PKD1L1: variants seen among roughly 807,000 people sequenced by gnomAD.
PKD1L1 encodes polycystin 1 like 1, transient receptor potential channel interacting.
A neutral mutation model predicts 323.4 loss-of-function variants in PKD1L1; 236 were observed. The ratio of observed to expected loss-of-function variants is 0.73; its 90% CI spans 0.66 to 0.81. The LOEUF is 0.81. PKD1L1 is among the 40% of genes least tolerant of loss of function. The pLI, the probability that PKD1L1 is intolerant of heterozygous loss-of-function variation, is 0.00. For synonymous variants in PKD1L1, 1,344 were observed against 1,335.0 expected (o/e 1.01, Z -0.15); for missense variants, 3,320 against 3,508.0 (o/e 0.95, Z 1.35).
chr7:47,930,007 G>A lies in PKD1L1; in HGVS notation c.738-481C>T, dbSNP rs114044788. ...AGCTCCTTGTGCTGCAAATTGGTTG[G>A]GGAGTTGGAAATAGTCTAGGATACT... On this transcript the variant is annotated intron_variant, in intron 6 of 56. Transcript: ENST00000289672. 9.6e-3 allele frequency among the ~76,000 whole-genome samples: 1,463 copies of A among 152,292 alleles called. 19 individuals are homozygous for A. The highest frequency in any genetic ancestry group is 0.034 in the African/African-American group (1,404 of 41,554).
chr7:47,931,505 TCA>T (rs1302825170), intron 5 of PKD1L1, among the ~76,000 whole-genome samples, 184 bp from the exon 6 acceptor site: 1 of 152,232 alleles, frequency 6.6e-6, no homozygotes, highest in Non-Finnish European at 1.5e-5. Flanking sequence ...GTGGTAGGAT[TCA>T]CACTTTCCAG....
At chr7:47,837,745 G>C (rs890276879) in intron 36 of PKD1L1, among the ~76,000 whole-genome samples, 2 of 152,088 alleles carry the variant, frequency 1.3e-5, no homozygotes, top group African/African-American at 4.8e-5. Context: ...CGTTGTTTAG[G>C]AATTGCACTA....
chr7:47,873,431 G>A (rs1404876313), intron 24 of PKD1L1, among the ~76,000 whole-genome samples: 3 of 152,006 alleles, frequency 2.0e-5, no homozygotes, highest in Admixed American at 6.6e-5. Context: ...GGTGGATCAC[G>A]AAGTCAGGAG....
intron 16 of PKD1L1, among the ~76,000 whole-genome samples, chr7:47,889,149 A>G (rs1284183613): frequency 6.6e-6 from 1 of 152,134 alleles, no homozygotes; most frequent in East Asian, 1.9e-4. Context: ...ATGGGGGTGC[A>G]GACGGACATG....
chr7:47,821,196 G>T lies in PKD1L1; in HGVS notation c.6855-10C>A. The T allele has an allele frequency of 6.4e-7, 1 of 1,564,738 alleles. No homozygotes were observed. The highest frequency in any genetic ancestry group is 8.8e-7 in the Non-Finnish European group (1 of 1,136,026). On this transcript the variant is annotated splice_polypyrimidine_tract_variant and intron_variant, in intron 45 of 56. Transcript: ENST00000289672. ...GTCCATGGAAATGTCTCTGTAAGAAGAGTTTTTAAGTTAGCATCCATACAG... is the reference window on the plus strand; with the variant it reads ...GTCCATGGAAATGTCTCTGTAAGAATAGTTTTTAAGTTAGCATCCATACAG...
Position 47,877,471 on chromosome 7 carries a change from A to G in PKD1L1, c.3663+18T>C, listed in dbSNP as rs1786433470. On this transcript the variant is annotated intron_variant, in intron 22 of 56. Transcript: ENST00000289672. ...CTGTCGGGGGTCTCTCAGGACAGAC[A>G]TGGGGTTGTCCACGTACCGGTTTTC... 2 of 1,612,950 alleles carry G rather than the reference A, an allele frequency of 1.2e-6. No homozygotes were observed. Among genetic ancestry groups the G allele is most frequent in the African/African-American group, 1.3e-5 (1 of 74,872 alleles).
Position 47,885,930 on chromosome 7 carries a change from T to C in PKD1L1, c.2961A>G (p.Pro987=). ...GTADPDATTT[P]FSREPSPVTL... ...TCACGGGTGAAGGTTCCCGTGAGAA[T>C]GGTGTGGTCGTTGCATCAGGATCTG... The change falls in exon 18 of 57, where the codon CCA becomes CCG. Residue 987 remains proline, a synonymous_variant. Transcript: ENST00000289672. 1 of 1,614,058 alleles carries C rather than the reference T, an allele frequency of 6.2e-7. No individual in the cohort carries two copies. The highest frequency in any genetic ancestry group is 8.5e-7 in the Non-Finnish European group (1 of 1,180,006).
chr7:47,939,478 G>C (rs979271707), intron 3 of PKD1L1, among the ~76,000 whole-genome samples: 1 of 152,152 alleles, frequency 6.6e-6, no homozygotes, highest in African/African-American at 2.4e-5. Flanking sequence ...TGAAAAGCAT[G>C]TCTCACTCAG....
rs961993264 is a variant in PKD1L1 at position 47,853,303 on chromosome 7, G to T, written c.4860-76C>A. On this transcript the variant is annotated intron_variant, in intron 30 of 56. Coordinates refer to ENST00000289672, the MANE Select transcript of PKD1L1 (RefSeq NM_138295.5). ...AAGGTTTTAGTCAAATTTCTATCAA[G>T]AGTTTACTCAATTTGTGCAAAACAT... 2.8e-6 allele frequency: 3 copies of T among 1,082,040 alleles called. No individual in the cohort carries two copies. In the African/African-American group the frequency reaches 4.7e-5, roughly 17 times the overall value. The allele number at this position is 1,082,040 out of a possible 1,614,324, so 67.0% of individuals were successfully genotyped here. A position where few individuals can be genotyped will look rare whatever the true frequency, so the allele number is the denominator to read the frequency against.
chr7:47,890,803 G>C (rs761192201), intron 15 of PKD1L1, 40 bp from the exon 16 acceptor site: 2 of 1,577,840 alleles, frequency 1.3e-6, no homozygotes, highest in Non-Finnish European at 1.7e-6. Context: ...GGGAGCATCA[G>C]GCAGAGTCAG....
At chr7:47,811,154 C>CTTTTT (rs11412484) in intron 50 of PKD1L1, among the ~76,000 whole-genome samples, 2 of 121,232 alleles carry the variant, frequency 1.6e-5, no homozygotes, top group Non-Finnish European at 1.7e-5. Context: ...ATGTCTCCTT[C>CTTTTT]TTTTTTTTTT....
chr7:47,829,978 C>G, intron 43 of PKD1L1, 62 bp downstream of exon 43: 1 of 1,468,128 alleles, frequency 6.8e-7, no homozygotes, highest in Admixed American at 1.7e-5. Flanking sequence ...GCCTCTATTT[C>G]CCCTTCCCAT....
chr7:47,813,099 C>T (rs749724742), intron 49 of PKD1L1, 22 bp downstream of exon 49: 30 of 1,603,416 alleles, frequency 1.9e-5, no homozygotes, highest in African/African-American at 4.0e-5. Context: ...GGATGAGCCC[C>T]GGCCCTTCGA....
intron 51 of PKD1L1, among the ~76,000 whole-genome samples, chr7:47,808,795 C>A (rs1784835003): frequency 6.6e-6 from 1 of 152,122 alleles, no homozygotes; most frequent in African/African-American, 2.4e-5. Flanking sequence ...ACTTGCAGGA[C>A]CAGAAGTGGC....
intron 56 of PKD1L1, among the ~76,000 whole-genome samples, chr7:47,788,502 C>G (rs984631386): frequency 1.3e-5 from 2 of 150,054 alleles, no homozygotes; most frequent in Non-Finnish European, 3.0e-5. Flanking sequence ...AAGTGATCCA[C>G]CTGCCTTGGC....
intron 7 of PKD1L1, among the ~76,000 whole-genome samples, chr7:47,917,500 C>G (rs1787454364): frequency 6.6e-6 from 1 of 152,124 alleles, no homozygotes; most frequent in African/African-American, 2.4e-5. Flanking sequence ...AAATTCATCA[C>G]AAAAAGATCA....
intron 2 of PKD1L1, among the ~76,000 whole-genome samples, chr7:47,941,323 G>A (rs189661152): frequency 3.3e-5 from 5 of 152,316 alleles, no homozygotes; most frequent in Non-Finnish European, 5.9e-5. Flanking sequence ...CCTGCAGGCC[G>A]CCGAGAGCAG....
intron 19 of PKD1L1, among the ~76,000 whole-genome samples, chr7:47,882,304 C>CCCTT (rs934547812): frequency 3.6e-5 from 5 of 139,522 alleles, no homozygotes; most frequent in South Asian, 2.3e-4. Flanking sequence ...CTCCCTCCCT[C>CCCTT]CCTTCCTATC....
rs561536817 is a variant in PKD1L1 at position 47,946,294 on chromosome 7, G to C, written c.44+2103C>G. Reference sequence around the variant, plus strand: ...AATCCCTTAAGAGTGAGTGTTTTTCGGGGCCTGTCAGGGGCTGGGGGGCAA... The same window carrying C: ...AATCCCTTAAGAGTGAGTGTTTTTCCGGGCCTGTCAGGGGCTGGGGGGCAA... On this transcript the variant is annotated intron_variant, in intron 1 of 56. Transcript: ENST00000289672. The surrounding 1 kb of genome is among the most constrained non-coding windows in gnomAD (Gnocchi z 4.1). Among the ~76,000 whole-genome samples, 1 of 151,894 alleles carries C rather than the reference G, an allele frequency of 6.6e-6. No homozygotes were observed. Among genetic ancestry groups the C allele is most frequent in the Non-Finnish European group, 1.5e-5 (1 of 67,978 alleles).
Sources: gnomAD v4.1 joint callset for allele counts (sites outside exome capture counted in the v4.1 genomes callset) on GRCh38, gnomAD v4.1.1 for gene constraint, Gnocchi (gnomAD v3.1) non-coding constraint, MANE v1.5 for transcripts, NCBI Gene and HGNC (gene_info 2026-07-23, HGNC 2026-07-21) for gene names.